REST: variants seen among roughly 807,000 people sequenced by gnomAD.
REST encodes the protein RE1-silencing transcription factor.
REST carries 1 observed loss-of-function variant against 30.4 expected under a neutral mutation model. The ratio of observed to expected loss-of-function variants is 0.03; its 90% CI spans 0.01 to 0.16. REST has a LOEUF of 0.16. Ranked by LOEUF, REST falls within the 10% of genes least tolerant of loss-of-function variation. The pLI, the probability that REST is intolerant of heterozygous loss-of-function variation, is 1.00. For missense variants in REST, 1,259 were observed against 1,329.5 expected, an observed-to-expected ratio of 0.95 and a Z score of 0.82; for synonymous variants, 504 against 451.1, an observed-to-expected ratio of 1.12 and a Z score of -1.49.
At position 56,931,167 on chromosome 4, in the gene REST, A is replaced by G. The variant is rs2109576947; in HGVS notation, c.2309A>G (p.Glu770Gly). 2 of 1,613,342 alleles carry G rather than the reference A, an allele frequency of 1.2e-6. No individual in the cohort carries two copies. Among genetic ancestry groups the G allele is most frequent in the Non-Finnish European group, 1.7e-6 (2 of 1,179,610 alleles). ...AAGATAGAGCTGTCTCCTCCCATAGAGGTGGTCCAGAAGGAGCCTGTTCAG... is the reference window on the plus strand; with the variant it reads ...AAGATAGAGCTGTCTCCTCCCATAGGGGTGGTCCAGAAGGAGCCTGTTCAG... ...PVKIELSPPIEVVQKEPVQME... is the reference protein window; with the variant it reads ...PVKIELSPPIGVVQKEPVQME... Residue 770 changes from glutamate (E) to glycine (G), a missense_variant, in exon 4 of 4, where the codon GAG becomes GGG. By Grantham distance (98) the Glu-to-Gly change is moderately conservative. Around this residue, in one of 5 missense-constraint regions of REST, gnomAD observed 856 missense variants for 772.8 expected, o/e 1.11. Coordinates refer to ENST00000309042, the MANE Select transcript of REST (RefSeq NM_005612.5).
rs781705605 is a variant in REST, at chr4:56,931,803, G to T, written c.2945G>T (p.Arg982Leu). Residue 982 changes from arginine to leucine, a missense_variant, in exon 4 of 4, where the codon CGT (arginine) becomes CTT (leucine). Physicochemically the swap from Arg to Leu is moderately radical, Grantham distance 102. Transcript: ENST00000309042. ...CTTCCCCCTTCAGCAGTAGAAGAAC[G>T]TGAAGCAGTGTCCAAAACTGCACTG... ...PMLPPSAVEE[R>L]EAVSKTALAS... 53 of 1,614,188 alleles carry T rather than the reference G, an allele frequency of 3.3e-5. No individual in the cohort carries two copies. Among genetic ancestry groups the T allele is most frequent in the Non-Finnish European group, 4.4e-5 (52 of 1,180,040 alleles).
Position 56,927,244 on chromosome 4 carries a change from CT to C in REST, c.983-2594del, listed in dbSNP as rs1311445809. Among the ~76,000 whole-genome samples the C allele has an allele frequency of 2.0e-5, 3 of 152,326 alleles. No homozygotes were observed. The East Asian group carries it at 5.8e-4, about 29-fold the overall frequency. ...AGTTCTTAGGCCTTATGCTACCTAT[CT>C]TTCTACATTCTATGTCCACGTATGT... On this transcript the variant is annotated intron_variant, in intron 3 of 3. Coordinates refer to ENST00000309042, the MANE Select transcript of REST (RefSeq NM_005612.5).
chr4:56,930,220 A>G lies in REST; in HGVS notation c.1362A>G (p.Lys454=), dbSNP rs745483275. The part of the protein sequence containing the change: ...EKTEIEQTKI[K]GDVAGKKNEK... ...CAGAAATAGAACAAACAAAAATAAA[A>G]GGGGATGTGGCTGGAAAGAAAAATG... Residue 454 remains lysine, a synonymous_variant, in exon 4 of 4, where the codon AAA becomes AAG. Transcript: ENST00000309042. The G allele has an allele frequency of 1.2e-6, 2 of 1,606,388 alleles. No individual in the cohort carries two copies. The highest frequency in any genetic ancestry group is 4.5e-5 in the East Asian group (2 of 44,854).
At chr4:56,919,603 CAT>C in intron 2 of REST, among the ~76,000 whole-genome samples, 182 bp from the exon 3 acceptor site, 1 of 152,198 alleles carries the variant, frequency 6.6e-6, no homozygotes, top group South Asian at 2.1e-4. Flanking sequence ...ATAATGTAGT[CAT>C]AGTTTCTGAA....
At chr4:56,911,625 TC>T (rs1269579888) in intron 2 of REST, 89 bp downstream of exon 2, 1 of 1,086,420 alleles carries the variant, frequency 9.2e-7, no homozygotes, top group Non-Finnish European at 1.3e-6. Context: ...GAAAAAGGAC[TC>T]TGGTTCAAAT....
intron 2 of REST, among the ~76,000 whole-genome samples, chr4:56,916,070 C>T (rs1215388877): frequency 6.6e-6 from 1 of 151,076 alleles, no homozygotes; most frequent in African/African-American, 2.4e-5. Flanking sequence ...AACTGCACTC[C>T]AGCCTGGGGG....
chr4:56,932,084 A>G lies in REST; in HGVS notation c.3226A>G (p.Ser1076Gly), dbSNP rs1481192169. The G allele has an allele frequency of 6.2e-7, 1 of 1,614,250 alleles. No individual in the cohort carries two copies. The highest frequency in any genetic ancestry group is 8.5e-7 in the Non-Finnish European group (1 of 1,180,036). The change falls in exon 4 of 4, where the codon AGC becomes GGC. Residue 1076 changes from serine to glycine, a missense_variant. Ser to Gly is a moderately conservative substitution (Grantham distance 56). Around this residue, in one of 5 missense-constraint regions of REST, gnomAD observed 25 missense variants for 33.2 expected, o/e 0.75. Coordinates refer to ENST00000309042, the MANE Select transcript of REST (RefSeq NM_005612.5). Reference protein sequence around the residue: ...DRSFRKGKDYSKHLNRHLVNV... With the variant: ...DRSFRKGKDYGKHLNRHLVNV... ...TTCTTTCAGAAAGGGAAAAGATTAC[A>G]GCAAACACCTCAATCGCCATTTGGT...
rs1720690514 is a variant in REST at position 56,926,000 on chromosome 4, A to G, written c.983-3841A>G. Among the ~76,000 whole-genome samples the G allele has an allele frequency of 1.3e-5, 2 of 152,304 alleles. 1 individual carries two copies. The highest frequency in any genetic ancestry group is 4.1e-4 in the South Asian group (2 of 4,830). On this transcript the variant is annotated intron_variant, in intron 3 of 3. Coordinates refer to ENST00000309042, the MANE Select transcript of REST (RefSeq NM_005612.5). ...TGTGTAAATATGAAGAGAAGAGATAAATTCCACTTATCTATTTACTCATGA... is the reference window on the plus strand; with the variant it reads ...TGTGTAAATATGAAGAGAAGAGATAGATTCCACTTATCTATTTACTCATGA...
chr4:56,930,325 T>G lies in REST; in HGVS notation c.1467T>G (p.Thr489=), dbSNP rs1480000544. ...ATAATGTGTCAGTGATCCAGGTGAC[T>G]ACCAGAACTCGAAAATCAGTAACAG... The part of the protein sequence containing the change: ...PSNNVSVIQV[T]TRTRKSVTEV... The change falls in exon 4 of 4, where the codon ACT becomes ACG. Residue 489 remains threonine (T), a synonymous_variant. Transcript: ENST00000309042. 5.6e-6 allele frequency: 9 copies of G among 1,613,978 alleles called. No individual in the cohort carries two copies. Among genetic ancestry groups the G allele is most frequent in the Non-Finnish European group, 7.6e-6 (9 of 1,180,016 alleles).
rs1435774463 is a variant in REST, at chr4:56,934,415, A to G, written c.*2263A>G. 1 of 152,176 alleles carries G rather than the reference A, an allele frequency of 6.6e-6. No individual in the cohort carries two copies. Among genetic ancestry groups the G allele is most frequent in the Non-Finnish European group, 1.5e-5 (1 of 68,014 alleles). The allele number at this position is 152,176 out of a possible 1,614,324, so 9.4% of individuals were successfully genotyped here. ...TAACTTCTAATCTAGTCTTAAGACT[A>G]GAATGCTAAAAACAAAAACATGAAG... On this transcript the variant is annotated 3_prime_UTR_variant, in exon 4 of 4. Coordinates refer to ENST00000309042, the MANE Select transcript of REST (RefSeq NM_005612.5).
chr4:56,909,851 C>T (rs1214345860), intron 1 of REST, among the ~76,000 whole-genome samples: 1 of 152,088 alleles, frequency 6.6e-6, no homozygotes, highest in Non-Finnish European at 1.5e-5. Context: ...TGCTGATTGT[C>T]GAGTTGAGTT....
chr4:56,907,983 G>A lies in REST; in HGVS notation c.-240G>A. 2.9e-6 allele frequency: 1 copy of A among 350,190 alleles called. No individual in the cohort carries two copies. The highest frequency in any genetic ancestry group is 5.1e-6 in the Non-Finnish European group (1 of 195,564). 21.7% of individuals were successfully genotyped at this position (350,190 alleles called of 1,614,324 possible). A position where few individuals can be genotyped will look rare whatever the true frequency, so the allele number is the denominator to read the frequency against. Reference sequence around the variant, plus strand: ...AGCGGAGCGAGCGCCGCCGAGGCCCGGGGCCCCAGACCCTGGCGGCGGCTG... The same window carrying A: ...AGCGGAGCGAGCGCCGCCGAGGCCCAGGGCCCCAGACCCTGGCGGCGGCTG... On this transcript the variant is annotated 5_prime_UTR_variant, in exon 1 of 4. Transcript: ENST00000309042.
At chr4:56,929,791 T>C (rs759374107) in intron 3 of REST, 50 bp from the exon 4 acceptor site, 1 of 1,515,152 alleles carries the variant, frequency 6.6e-7, no homozygotes, top group Non-Finnish European at 8.9e-7. Context: ...ATTTTAATCT[T>C]GAATTTGTCT....
At position 56,911,380 on chromosome 4, in the gene REST, T is replaced by C; in HGVS notation, c.742T>C (p.Tyr248His). The C allele has an allele frequency of 6.2e-7, 1 of 1,614,222 alleles. No homozygotes were observed. Among genetic ancestry groups the C allele is most frequent in the Non-Finnish European group, 8.5e-7 (1 of 1,180,040 alleles). ...HTRAGDNERVYKCIICTYTTV... is the reference protein window; with the variant it reads ...HTRAGDNERVHKCIICTYTTV... ...CAGAGCTGGGGATAATGAGCGAGTC[T>C]ACAAGTGTATCATTTGCACATACAC... The change falls in exon 2 of 4, where the codon TAC becomes CAC. Residue 248 changes from tyrosine to histidine, a missense_variant. Tyr to His is a moderately conservative substitution (Grantham distance 83, BLOSUM62 2). Transcript: ENST00000309042.
intron 2 of REST, among the ~76,000 whole-genome samples, chr4:56,915,235 TG>T (rs1720137600): frequency 8.3e-6 from 1 of 121,066 alleles, no homozygotes; most frequent in East Asian, 2.3e-4. Context: ...TGTGTGTGTG[TG>T]TGTATTTTTT....
Position 56,910,993 on chromosome 4 carries a change from G to A in REST, c.355G>A (p.Val119Ile), listed in dbSNP as rs1298973547. Residue 119 changes from valine (V) to isoleucine (I), a missense_variant, in exon 2 of 4, where the codon GTA becomes ATA. Physicochemically the swap from Val to Ile is conservative, Grantham distance 29. Coordinates refer to ENST00000309042, the MANE Select transcript of REST (RefSeq NM_005612.5). ...MELRSLELSVVEPQPVFEASG... is the reference protein window; with the variant it reads ...MELRSLELSVIEPQPVFEASG... ...ACTGAGAAGTTTGGAACTCAGCGTC[G>A]TAGAACCTCAGCCTGTATTTGAGGC... 3.1e-6 allele frequency: 5 copies of A among 1,614,182 alleles called. No homozygotes were observed. The highest frequency in any genetic ancestry group is 2.2e-5 in the South Asian group (2 of 91,084).
intron 3 of REST, among the ~76,000 whole-genome samples, chr4:56,925,347 G>T (rs144088275): frequency 9.8e-4 from 148 of 151,018 alleles, no homozygotes; most frequent in African/African-American, 3.4e-3. Context: ...GGAGTAGGTG[G>T]CACTGTAGGC....
rs947970811 is a variant in REST at position 56,931,654 on chromosome 4, A to G, written c.2796A>G (p.Glu932=). 1 of 1,614,238 alleles carries G rather than the reference A, an allele frequency of 6.2e-7. No homozygotes were observed. Among genetic ancestry groups the G allele is most frequent in the Non-Finnish European group, 8.5e-7 (1 of 1,180,042 alleles). The part of the protein sequence containing the change: ...SGQNLNTPEG[E]TLNGKHQTDS... ...AAAACTTGAATACGCCAGAGGGTGA[A>G]ACTTTAAATGGTAAACATCAGACTG... Residue 932 remains glutamate, a synonymous_variant, in exon 4 of 4, where the codon GAA becomes GAG. Transcript: ENST00000309042.
Position 56,911,353 on chromosome 4 carries a change from A to G in REST, c.715A>G (p.Thr239Ala). Residue 239 changes from threonine to alanine, a missense_variant, in exon 2 of 4, where the codon ACC (threonine) becomes GCC (alanine). This residue lies in a region of REST where 125 missense variants were observed against 255.4 expected (regional missense o/e 0.49). Coordinates refer to ENST00000309042, the MANE Select transcript of REST (RefSeq NM_005612.5). ...DHYTAHLKHHTRAGDNERVYK... is the reference protein window; with the variant it reads ...DHYTAHLKHHARAGDNERVYK... ...CTATACAGCACACCTGAAACACCAC[A>G]CCAGAGCTGGGGATAATGAGCGAGT... is the stretch of plus-strand genomic sequence containing the variant. 6.2e-7 allele frequency: 1 copy of G among 1,614,150 alleles called. No homozygotes were observed. Among genetic ancestry groups the G allele is most frequent in the Non-Finnish European group, 8.5e-7 (1 of 1,180,036 alleles).
Sources: gnomAD v4.1 joint callset for allele counts (sites outside exome capture counted in the v4.1 genomes callset) on GRCh38, gnomAD v4.1.1 for gene constraint, gnomAD v4.1.1 regional missense constraint, MANE v1.5 for transcripts, NCBI Gene and HGNC (gene_info 2026-07-23, HGNC 2026-07-21) for gene names.